Variants in FCN3 observed in about 807,000 individuals in gnomAD.
FCN3 encodes the protein ficolin-3.
In FCN3, 28 loss-of-function variants were observed where a neutral mutation model predicts 31.5. The observed-to-expected ratio is 0.89, with a 90% CI of 0.66 to 1.22. The LOEUF is 1.22. FCN3 is among the 50% of genes most tolerant of loss of function. The pLI is 0.00. For missense variants in FCN3, 351 were observed against 386.8 expected (o/e 0.91, Z 0.78); for synonymous variants, 124 against 147.4 (o/e 0.84, Z 1.15).
intron 5 of FCN3, 69 bp from the exon 6 acceptor site, chr1:27,371,041 T>C: frequency 6.5e-7 from 1 of 1,526,770 alleles, no homozygotes; most frequent in South Asian, 1.2e-5. Context: ...GCAGGAACTG[T>C]GAGGGGTGGG....
intron 7 of FCN3, 67 bp from the exon 8 acceptor site, chr1:27,369,544 T>C (rs2016102711): frequency 6.8e-7 from 1 of 1,465,430 alleles, no homozygotes; most frequent in East Asian, 2.3e-5. Flanking sequence ...GGAGATATAA[T>C]GCCATGGGAG....
intron 3 of FCN3, 61 bp from the exon 4 acceptor site, chr1:27,373,581 C>T: frequency 6.4e-7 from 1 of 1,574,426 alleles, no homozygotes; most frequent in Non-Finnish European, 8.7e-7. Context: ...GCTGAGCCAC[C>T]AGTGGAGCCG....
chr1:27,374,640 G>T, intron 1 of FCN3, 88 bp downstream of exon 1: 2 of 847,336 alleles, frequency 2.4e-6, no homozygotes, highest in Non-Finnish European at 3.6e-6. Flanking sequence ...CTCCCACCCT[G>T]CTCCTTGAGG....
At position 27,369,357 on chromosome 1, in the gene FCN3, C is replaced by G. The variant is rs143244488; in HGVS notation, c.779G>C (p.Arg260Pro). The change falls in exon 8 of 8, where the codon CGA becomes CCA. Residue 260 changes from arginine (R) to proline (P), a missense_variant. Transcript: ENST00000270879. ...TGCATAGCGACCATTGAGATTTGAT[C>G]GGTAACAGGATGCATACCACCAGGC... is the stretch of plus-strand genomic sequence containing the variant. Reference protein sequence around the residue: ...HGAWWYASCYRSNLNGRYAVS... With the variant: ...HGAWWYASCYPSNLNGRYAVS... 125 of 1,614,120 alleles carry G rather than the reference C, an allele frequency of 7.7e-5. No individual in the cohort carries two copies. The highest frequency in any genetic ancestry group is 1.4e-5 in the Non-Finnish European group (17 of 1,180,046).
rs546584321 is a variant in FCN3 at position 27,374,674 on chromosome 1, A to G, written c.91+54T>C. 7 of 1,091,826 alleles carry G rather than the reference A, an allele frequency of 6.4e-6. No individual in the cohort carries two copies. The Admixed American group carries it at 2.2e-4, about 35-fold the overall frequency. 67.6% of individuals were successfully genotyped at this position (1,091,826 alleles called of 1,614,324 possible). A position where few individuals can be genotyped will look rare whatever the true frequency, so the allele number is the denominator to read the frequency against. ...GGTTGATGAGCCTTGGTGGGGGGAC[A>G]CCCAGCGAGGGAATGAGGAGTGGGT... is the stretch of plus-strand genomic sequence containing the variant. On this transcript the variant is annotated intron_variant, in intron 1 of 7. Transcript: ENST00000270879.
chr1:27,370,731 C>T lies in FCN3; in HGVS notation c.524-1G>A. On this transcript the variant is annotated splice_acceptor_variant, in intron 6 of 7. Coordinates refer to ENST00000270879, the MANE Select transcript of FCN3 (RefSeq NM_003665.4). LOFTEE classifies it high-confidence loss of function. ...AGCTCTACCCGCAGCTCCCAGTTACCTGGAAAGAAGGGGAGGCAGGGATGG... is the reference window on the plus strand; with the variant it reads ...AGCTCTACCCGCAGCTCCCAGTTACTTGGAAAGAAGGGGAGGCAGGGATGG... 6.2e-7 allele frequency: 1 copy of T among 1,614,040 alleles called. No individual in the cohort carries two copies. Among genetic ancestry groups the T allele is most frequent in the Non-Finnish European group, 8.5e-7 (1 of 1,179,930 alleles).
At position 27,372,565 on chromosome 1, in the gene FCN3, G is replaced by A. The variant is rs764283001; in HGVS notation, c.393+571C>T. Among the ~76,000 whole-genome samples, 29 of 152,252 alleles carry A rather than the reference G, an allele frequency of 1.9e-4. 1 individual carries two copies. The highest frequency in any genetic ancestry group is 3.4e-3 in the Middle Eastern group (1 of 294). ...GTCCAGCCAACCACCGCGTCTGGGC[G>A]CGCTGCACACTTCTTAAGTTGATCA... On this transcript the variant is annotated intron_variant, in intron 5 of 7. Coordinates refer to ENST00000270879, the MANE Select transcript of FCN3 (RefSeq NM_003665.4).
At chr1:27,374,528 C>A in intron 1 of FCN3, 77 bp from the exon 2 acceptor site, 2 of 999,958 alleles carry the variant, frequency 2.0e-6, no homozygotes, top group South Asian at 2.8e-5. Flanking sequence ...CTTCCTGTCT[C>A]CCAGATTCCC....
chr1:27,373,961 T>A lies in FCN3; in HGVS notation c.232+4A>T, dbSNP rs1020225209. ...CGGGGAGGCCTCCAGCCCCACTTACTCACCTGGCTCACCCTTGGGGCCCAT... is the reference window on the plus strand; with the variant it reads ...CGGGGAGGCCTCCAGCCCCACTTACACACCTGGCTCACCCTTGGGGCCCAT... On this transcript the variant is annotated splice_donor_region_variant and intron_variant, in intron 3 of 7. Transcript: ENST00000270879. 5 of 1,613,092 alleles carry A rather than the reference T, an allele frequency of 3.1e-6. No individual in the cohort carries two copies. Among genetic ancestry groups the A allele is most frequent in the Non-Finnish European group, 4.2e-6 (5 of 1,179,592 alleles).
At position 27,369,214 on chromosome 1, in the gene FCN3, G is replaced by A. The variant is rs2016092282; in HGVS notation, c.*22C>T. The A allele has an allele frequency of 6.2e-7, 1 of 1,613,502 alleles. No homozygotes were observed. The highest frequency in any genetic ancestry group is 1.3e-5 in the African/African-American group (1 of 75,060). Reference sequence around the variant, plus strand: ...TCCGGAAGCTGTACAGGAGAGATAAGGGCACTGGCTGCCAGAGTGCCCTAT... The same window carrying A: ...TCCGGAAGCTGTACAGGAGAGATAAAGGCACTGGCTGCCAGAGTGCCCTAT... On this transcript the variant is annotated 3_prime_UTR_variant, in exon 8 of 8. Coordinates refer to ENST00000270879, the MANE Select transcript of FCN3 (RefSeq NM_003665.4).
chr1:27,369,607 G>A, intron 7 of FCN3, 130 bp from the exon 8 acceptor site: 1 of 824,138 alleles, frequency 1.2e-6, no homozygotes, highest in African/African-American at 1.7e-5. Flanking sequence ...CAACACCAAG[G>A]GGCCAGGTTG....
intron 1 of FCN3, 91 bp from the exon 2 acceptor site, chr1:27,374,542 G>C: frequency 2.2e-6 from 2 of 923,876 alleles, no homozygotes; most frequent in East Asian, 2.6e-5. Context: ...GATTCCCACT[G>C]TCAGGATGCT....
intron 7 of FCN3, chr1:27,370,360 C>T (rs920238887): frequency 1.3e-5 from 7 of 530,452 alleles, no homozygotes; most frequent in African/African-American, 1.1e-4. Flanking sequence ...AGGGGTAGGA[C>T]TTGCCCAAGG....
chr1:27,371,053 G>A (rs41291100), intron 5 of FCN3, 81 bp from the exon 6 acceptor site: 163 of 1,368,186 alleles, frequency 1.2e-4, no homozygotes, highest in Non-Finnish European at 1.6e-4. Context: ...AGGGGTGGGT[G>A]GATACCCACT....
In FCN3 at chr1:27,374,426, T is replaced by A. The variant is rs2016210040; in HGVS notation, c.117A>T (p.Lys39Asn). The part of the protein sequence containing the change: ...CPGPRELEAS[K>N]VVLLPSCPGA... ...CGGGACAACTGGGCAGGAGGACAAC[T>A]TTGCTGGCTTCCAGTTCCCTGGGTC... The change falls in exon 2 of 8, where the codon AAA becomes AAT. Residue 39 changes from lysine to asparagine, a missense_variant. By Grantham distance (94) the Lys-to-Asn change is moderately conservative. Coordinates refer to ENST00000270879, the MANE Select transcript of FCN3 (RefSeq NM_003665.4). 6 of 1,613,704 alleles carry A rather than the reference T, an allele frequency of 3.7e-6. No individual in the cohort carries two copies. The highest frequency in any genetic ancestry group is 1.3e-5 in the African/African-American group (1 of 74,864).
At chr1:27,371,680 C>T (rs547124670) in intron 5 of FCN3, among the ~76,000 whole-genome samples, 1 of 152,238 alleles carries the variant, frequency 6.6e-6, no homozygotes, top group Non-Finnish European at 1.5e-5. Flanking sequence ...TCCACCTCCC[C>T]CTCCAAGCCA....
In FCN3 at chr1:27,370,975, G is replaced by C; in HGVS notation, c.394-3C>G. On this transcript the variant is annotated splice_region_variant and splice_polypyrimidine_tract_variant and intron_variant, in intron 5 of 7. Transcript: ENST00000270879. Reference sequence around the variant, plus strand: ...CCATCCTGGCGCCTCTGAAACACCTGGGGGAGGGGGGGCACAGCAGCTATT... The same window carrying C: ...CCATCCTGGCGCCTCTGAAACACCTCGGGGAGGGGGGGCACAGCAGCTATT... 6.2e-7 allele frequency: 1 copy of C among 1,611,496 alleles called. No homozygotes were observed.
At chr1:27,372,556 C>T (rs1020594825) in intron 5 of FCN3, among the ~76,000 whole-genome samples, 1 of 152,158 alleles carries the variant, frequency 6.6e-6, no homozygotes, top group African/African-American at 2.4e-5. Flanking sequence ...CCAACCACCG[C>T]GTCTGGGCGC....
Position 27,374,777 on chromosome 1 carries a change from CAGG to C in FCN3, c.39_41del (p.Leu15del). ...TCTTCAGGCAGGCAGGCCCCCCAAG[CAGG>C]AGAAGCCACAGGGAGGGCAGGATCC... On this transcript the variant is annotated inframe_deletion, in exon 1 of 8. Transcript: ENST00000270879. 2 of 1,388,904 alleles carry C rather than the reference CAGG, an allele frequency of 1.4e-6. No individual in the cohort carries two copies. Among genetic ancestry groups the C allele is most frequent in the Non-Finnish European group, 1.9e-6 (2 of 1,066,096 alleles). The allele number at this position is 1,388,904 out of a possible 1,614,324, so 86.0% of individuals were successfully genotyped here. A position where few individuals can be genotyped will look rare whatever the true frequency, so the allele number is the denominator to read the frequency against.
Sources: allele counts gnomAD v4.1 joint callset (sites outside exome capture counted in the v4.1 genomes callset), GRCh38; gene constraint gnomAD v4.1.1; transcripts MANE v1.5; gene names NCBI Gene and HGNC (gene_info 2026-07-23, HGNC 2026-07-21).